CABLES1: variants seen among roughly 807,000 people sequenced by gnomAD.
The protein encoded by CABLES1 is CDK5 and ABL1 enzyme substrate 1.
A neutral mutation model predicts 57.8 loss-of-function variants in CABLES1; 36 were observed. That is an observed-to-expected ratio of 0.62 (90% CI 0.48 to 0.82). The LOEUF is 0.82. CABLES1 is among the 40% of genes least tolerant of loss of function. CABLES1 has a pLI of 0.00. For synonymous variants in CABLES1, 374 were observed against 363.0 expected (o/e 1.03, Z -0.35); for missense variants, 767 against 836.6 (o/e 0.92, Z 1.03).
chr18:23,182,405 A>G (rs1275179701), intron 1 of CABLES1, among the ~76,000 whole-genome samples: 1 of 152,182 alleles, frequency 6.6e-6, no homozygotes, highest in Non-Finnish European at 1.5e-5. Context: ...AGTAAGGTAA[A>G]TAAGTGGAAT....
chr18:23,257,146 T>C (rs1233622611), intron 9 of CABLES1, 81 bp from the exon 10 acceptor site: 19 of 1,489,458 alleles, frequency 1.3e-5, no homozygotes, highest in Non-Finnish European at 1.7e-5. Flanking sequence ...CACTGGCTGG[T>C]GGATAGAGAA....
intron 4 of CABLES1, among the ~76,000 whole-genome samples, chr18:23,227,244 C>T (rs1320582123): frequency 6.6e-6 from 1 of 152,116 alleles, no homozygotes; most frequent in East Asian, 1.9e-4. Context: ...GCCCATGCCC[C>T]CTTCCTCCCC....
At chr18:23,137,480 A>G (rs1376845833) in intron 1 of CABLES1, among the ~76,000 whole-genome samples, 1 of 152,186 alleles carries the variant, frequency 6.6e-6, no homozygotes, top group Non-Finnish European at 1.5e-5. Context: ...ATCCGTTCCT[A>G]GGGAGTGCCC....
intron 1 of CABLES1, among the ~76,000 whole-genome samples, chr18:23,150,827 C>T (rs538012831): frequency 4.6e-5 from 7 of 151,620 alleles, no homozygotes; most frequent in Admixed American, 1.3e-4. Flanking sequence ...CATGGGGAGC[C>T]GTGTGTTCTA....
At chr18:23,253,100 C>T in intron 8 of CABLES1, 34 bp downstream of exon 8, 6 of 1,174,142 alleles carry the variant, frequency 5.1e-6, no homozygotes, top group African/African-American at 1.5e-5. Flanking sequence ...TGACCTTTCC[C>T]TGCAAACCCC....
chr18:23,218,056 C>G (rs906805033), intron 4 of CABLES1, among the ~76,000 whole-genome samples: 4 of 152,188 alleles, frequency 2.6e-5, no homozygotes, highest in African/African-American at 7.2e-5. Flanking sequence ...AAGCACAACA[C>G]CCCCGCCACC....
At position 23,136,294 on chromosome 18, in the gene CABLES1, G is replaced by A. The variant is rs200098768; in HGVS notation, c.532G>A (p.Glu178Lys). 9.2e-3 allele frequency: 12,760 copies of A among 1,389,104 alleles called. 86 individuals are homozygous for A. Among genetic ancestry groups the A allele is most frequent in the Non-Finnish European group, 0.01 (10,942 of 1,078,230 alleles). 86.0% of individuals were successfully genotyped at this position (1,389,104 alleles called of 1,614,324 possible). ...CCTGGGCGCCGGCCGGGCGTCGGGG[G>A]AGCAGTGGCAGCCGCCCCGGCCGGC... ...SPLGAGRASG[E>K]QWQPPRPAPL... Residue 178 changes from glutamate to lysine, a missense_variant, in exon 1 of 10, where the codon GAG becomes AAG. Coordinates refer to ENST00000256925, the MANE Select transcript of CABLES1 (RefSeq NM_001100619.3).
rs1292134557 is a variant in CABLES1, at chr18:23,243,356, G to C, written c.1446+6111G>C. Among the ~76,000 whole-genome samples the C allele has an allele frequency of 3.3e-5, 5 of 152,178 alleles. No homozygotes were observed. In the East Asian group the frequency reaches 5.8e-4, roughly 18 times the overall value. ...GGCGCCCTCAGGCGCACAGGCCTGG[G>C]CAGTAGCTGAGGAGCATCCTGCCAG... On this transcript the variant is annotated intron_variant, in intron 7 of 9. Coordinates refer to ENST00000256925, the MANE Select transcript of CABLES1 (RefSeq NM_001100619.3).
chr18:23,174,439 G>T (rs1372636181), intron 1 of CABLES1, among the ~76,000 whole-genome samples: 2 of 151,712 alleles, frequency 1.3e-5, no homozygotes, highest in Non-Finnish European at 2.9e-5. Context: ...ATATTTAGGA[G>T]TGGGATTGTT....
In CABLES1 at chr18:23,136,550, T is replaced by A. The variant is rs2046823583; in HGVS notation, c.788T>A (p.Leu263Gln). The A allele has an allele frequency of 1.9e-6, 3 of 1,561,782 alleles. No individual in the cohort carries two copies. Among genetic ancestry groups the A allele is most frequent in the East Asian group, 2.5e-5 (1 of 40,376 alleles). Residue 263 changes from leucine (L) to glutamine (Q), a missense_variant, in exon 1 of 10, where the codon CTG becomes CAG. Leu to Gln is a moderately radical substitution (Grantham distance 113). Transcript: ENST00000256925. ...SRPTSQNYCS[L>Q]EQPGQGGSTS... ...CCGACTTCGCAGAACTACTGCTCCC[T>A]GGAGCAGCCAGGCCAGGGCGGCAGC...
At chr18:23,200,010 G>A (rs2047312030) in intron 3 of CABLES1, among the ~76,000 whole-genome samples, 1 of 152,174 alleles carries the variant, frequency 6.6e-6, no homozygotes, top group African/African-American at 2.4e-5. Flanking sequence ...TCCTCACCAA[G>A]TAGAACTGGA....
At chr18:23,166,720 C>A (rs2047045380) in intron 1 of CABLES1, among the ~76,000 whole-genome samples, 1 of 152,130 alleles carries the variant, frequency 6.6e-6, no homozygotes, top group South Asian at 2.1e-4. Flanking sequence ...ATTTAGTGTT[C>A]TTAAAATTAG....
At chr18:23,140,849 C>T (rs1368090876) in intron 1 of CABLES1, among the ~76,000 whole-genome samples, 4 of 152,168 alleles carry the variant, frequency 2.6e-5, no homozygotes, top group Non-Finnish European at 5.9e-5. Flanking sequence ...TGTTCAGATG[C>T]TGGTGCCACT....
rs539113884 is a variant in CABLES1, at chr18:23,243,771, C to T, written c.1446+6526C>T. Reference sequence around the variant, plus strand: ...CCTGTAATCCCAGTTACTCAGGAGGCTGAGGCAGGAGAATCGCTTGAACCC... The same window carrying T: ...CCTGTAATCCCAGTTACTCAGGAGGTTGAGGCAGGAGAATCGCTTGAACCC... On this transcript the variant is annotated intron_variant, in intron 7 of 9. Transcript: ENST00000256925. Among the ~76,000 whole-genome samples the T allele has an allele frequency of 2.6e-4, 39 of 150,754 alleles. No homozygotes were observed. The East Asian group carries it at 6.3e-3, about 24-fold the overall frequency.
rs1490928161 is a variant in CABLES1 at position 23,237,173 on chromosome 18, C to T, written c.1374C>T (p.Asp458=). 2 of 1,613,408 alleles carry T rather than the reference C, an allele frequency of 1.2e-6. No individual in the cohort carries two copies. The highest frequency in any genetic ancestry group is 1.7e-6 in the Non-Finnish European group (2 of 1,179,338). The change falls in exon 7 of 10, where the codon GAC becomes GAT. Residue 458 remains aspartate (D), a synonymous_variant. Transcript: ENST00000256925. ...GSDLGDFMDY[D]PNLLDDPQWP... ...ACCTGGGAGACTTTATGGACTATGACCCAAATCTCTTGGATGACCCCCAGT... is the reference window on the plus strand; with the variant it reads ...ACCTGGGAGACTTTATGGACTATGATCCAAATCTCTTGGATGACCCCCAGT...
chr18:23,206,861 A>G (rs2047367753), intron 3 of CABLES1, among the ~76,000 whole-genome samples: 1 of 148,990 alleles, frequency 6.7e-6, no homozygotes, highest in Non-Finnish European at 1.5e-5. Context: ...GTCACCCAGG[A>G]ATACAGTGGC....
chr18:23,212,474 G>A (rs750813795), intron 3 of CABLES1, among the ~76,000 whole-genome samples: 1 of 152,200 alleles, frequency 6.6e-6, no homozygotes, highest in African/African-American at 2.4e-5. Context: ...TAACCACTGG[G>A]GATATGAACT....
intron 1 of CABLES1, among the ~76,000 whole-genome samples, chr18:23,140,443 T>C (rs1321703588): frequency 7.9e-5 from 12 of 151,206 alleles, no homozygotes; most frequent in African/African-American, 2.4e-4. Context: ...TCTTTCTTTT[T>C]TTTTTTTTTT....
chr18:23,247,937 CCTCCCTGCCCA>C (rs1349750829), intron 7 of CABLES1, among the ~76,000 whole-genome samples: 1 of 152,242 alleles, frequency 6.6e-6, no homozygotes, highest in Admixed American at 6.5e-5. Flanking sequence ...GCTCATGGGC[CCTCCCTGCCCA>C]CTCCCTGCCA....
Sources: allele counts gnomAD v4.1 joint callset (sites outside exome capture counted in the v4.1 genomes callset), GRCh38; gene constraint gnomAD v4.1.1; transcripts MANE v1.5; gene names NCBI Gene and HGNC (gene_info 2026-07-23, HGNC 2026-07-21).